Variants in DZIP1L observed in about 807,000 individuals in gnomAD.
The protein encoded by DZIP1L is DAZ interacting zinc finger protein 1 like, also known as cilium assembly protein DZIP1L.
DZIP1L carries 90 observed loss-of-function variants against 88.7 expected under a neutral mutation model. That is an observed-to-expected ratio of 1.02 (90% CI 0.86 to 1.21). The LOEUF is 1.21. Ranked by LOEUF, DZIP1L falls within the 50% of genes most tolerant of loss-of-function variation. The pLI is 0.00. For synonymous variants in DZIP1L, 363 were observed against 372.1 expected, an observed-to-expected ratio of 0.98 and a Z score of 0.28; for missense variants, 932 against 955.8, an observed-to-expected ratio of 0.98 and a Z score of 0.33.
intron 3 of DZIP1L, among the ~76,000 whole-genome samples, 188 bp from the exon 4 acceptor site, chr3:138,095,171 T>C (rs1222648392): frequency 6.6e-6 from 1 of 152,204 alleles, no homozygotes; most frequent in Non-Finnish European, 1.5e-5. Context: ...GAGATAACAA[T>C]AGCACCTAAC....
At chr3:138,091,249 C>T (rs1025978366) in intron 5 of DZIP1L, among the ~76,000 whole-genome samples, 2 of 152,012 alleles carry the variant, frequency 1.3e-5, no homozygotes, top group African/African-American at 2.4e-5. Context: ...GAGCTGGGTT[C>T]AAGTCCCAGC....
Position 138,088,457 on chromosome 3 carries a change from T to C in DZIP1L, c.921A>G (p.Ser307=), listed in dbSNP as rs759830194. ...SHSVMESKLG[S]LRDEESEEWL... is the part of the protein sequence containing the mutation. ...ACTCCTCTGACTCCTCATCTCGCAG[T>C]GATCCCAGCTTGGACTCCATCACAC... The change falls in exon 6 of 16, where the codon TCA becomes TCG. Residue 307 remains serine, a synonymous_variant. Transcript: ENST00000327532. 4.3e-6 allele frequency: 7 copies of C among 1,613,978 alleles called. No individual in the cohort carries two copies. The East Asian group carries it at 1.3e-4, about 31-fold the overall frequency.
rs573336262 is a variant in DZIP1L at position 138,071,269 on chromosome 3, C to T, written c.1615+374G>A. 8.5e-5 allele frequency among the ~76,000 whole-genome samples: 13 copies of T among 152,048 alleles called. No individual in the cohort carries two copies. The South Asian group carries it at 2.7e-3, about 32-fold the overall frequency. ...GGCTGGCATGCCTGGTGTGTAGAGC[C>T]AGAAACTGAATAGGCTGCTCTCTGT... On this transcript the variant is annotated intron_variant, in intron 12 of 15. Transcript: ENST00000327532.
chr3:138,064,502 C>CA (rs1428315136), intron 15 of DZIP1L, 126 bp downstream of exon 15: 1 of 1,612,294 alleles, frequency 6.2e-7, no homozygotes, highest in Admixed American at 1.7e-5. Flanking sequence ...AGGTCACCCA[C>CA]AATGTCCCAC....
chr3:138,110,732 A>G (rs1164103054), intron 1 of DZIP1L, among the ~76,000 whole-genome samples: 2 of 152,204 alleles, frequency 1.3e-5, no homozygotes, highest in African/African-American at 4.8e-5. Flanking sequence ...AATAGTTCAC[A>G]TTTCTGGAAT....
intron 9 of DZIP1L, 73 bp downstream of exon 9, chr3:138,081,661 A>G (rs1576458190): frequency 6.8e-7 from 1 of 1,478,292 alleles, no homozygotes; most frequent in Admixed American, 1.9e-5. Flanking sequence ...TGACTGGGGG[A>G]GAGGGAAAAG....
intron 1 of DZIP1L, among the ~76,000 whole-genome samples, chr3:138,109,624 A>G (rs899766736): frequency 6.6e-6 from 1 of 152,222 alleles, no homozygotes; most frequent in Non-Finnish European, 1.5e-5. Flanking sequence ...TACCCAAAGG[A>G]TTATAAATCA....
intron 2 of DZIP1L, chr3:138,101,779 TC>T: frequency 1.8e-6 from 2 of 1,111,922 alleles, no homozygotes; most frequent in Non-Finnish European, 2.8e-6. Context: ...GATCTTGATG[TC>T]CAGGGCCAGC....
At position 138,081,738 on chromosome 3, in the gene DZIP1L, C is replaced by T. The variant is rs1205890721; in HGVS notation, c.1230G>A (p.Val410=). 6.2e-7 allele frequency: 1 copy of T among 1,613,276 alleles called. No individual in the cohort carries two copies. The highest frequency in any genetic ancestry group is 8.5e-7 in the Non-Finnish European group (1 of 1,179,576). ...EMIQSLSLRK[V]EGIHKVPKAV... is the part of the protein sequence containing the mutation. ...CTGCCCTGTGTAGACACTTACCTTC[C>T]ACCTTCCTGAGAGACAAGGACTGGA... Residue 410 remains valine (V), a synonymous_variant, in exon 9 of 16, where the codon GTG becomes GTA. Transcript: ENST00000327532.
chr3:138,113,805 C>T (rs780871202), intron 1 of DZIP1L, among the ~76,000 whole-genome samples: 16 of 152,162 alleles, frequency 1.1e-4, no homozygotes, highest in Non-Finnish European at 2.2e-4. Flanking sequence ...CCGGGCACAG[C>T]GCTCTCCTTA....
rs554295284 is a variant in DZIP1L, at chr3:138,109,035, TTAAGGTG to T, written c.-81-4990_-81-4984del. Reference sequence around the variant, plus strand: ...GCAAACCTGAGAGTGCAGGCCCTGTTTAAGGTGGGAAACCACTATTGAGCTCCAGCCA... The same window carrying T: ...GCAAACCTGAGAGTGCAGGCCCTGTTGGAAACCACTATTGAGCTCCAGCCA... On this transcript the variant is annotated intron_variant, in intron 1 of 15. Coordinates refer to ENST00000327532, the MANE Select transcript of DZIP1L (RefSeq NM_173543.3). Among the ~76,000 whole-genome samples the T allele has an allele frequency of 3.2e-3, 494 of 152,286 alleles. 3 individuals are homozygous for T. The highest frequency in any genetic ancestry group is 5.1e-3 in the Non-Finnish European group (350 of 68,026).
intron 14 of DZIP1L, 53 bp downstream of exon 14, chr3:138,067,478 G>C (rs1455419903): frequency 5.9e-6 from 9 of 1,514,050 alleles, no homozygotes; most frequent in Non-Finnish European, 7.9e-6. Flanking sequence ...ATCTGGGCTG[G>C]AGAAGGGCTA....
At chr3:138,114,148 G>T (rs976159016) in intron 1 of DZIP1L, among the ~76,000 whole-genome samples, 12 of 152,216 alleles carry the variant, frequency 7.9e-5, no homozygotes, top group Non-Finnish European at 7.3e-5. Flanking sequence ...CAGGCCTAGG[G>T]ACAGGAGACA....
At chr3:138,109,648 A>G (rs1486465770) in intron 1 of DZIP1L, among the ~76,000 whole-genome samples, 1 of 152,226 alleles carries the variant, frequency 6.6e-6, no homozygotes, top group African/African-American at 2.4e-5. Flanking sequence ...TACTATAAAG[A>G]TACATGCACA....
At position 138,086,671 on chromosome 3, in the gene DZIP1L, C is replaced by A. The variant is rs574390215; in HGVS notation, c.1062+290G>T. 8.5e-5 allele frequency among the ~76,000 whole-genome samples: 13 copies of A among 152,290 alleles called. No homozygotes were observed. The South Asian group carries it at 2.5e-3, about 29-fold the overall frequency. ...TCTGAGGTTTATCGAACAACCCTCC[C>A]TGGAGGGCCTAAAGGGGTCACTGCA... On this transcript the variant is annotated intron_variant, in intron 7 of 15. Transcript: ENST00000327532.
At chr3:138,108,671 T>C (rs1322277804) in intron 1 of DZIP1L, among the ~76,000 whole-genome samples, 1 of 152,162 alleles carries the variant, frequency 6.6e-6, no homozygotes, top group Non-Finnish European at 1.5e-5. Flanking sequence ...TCTCTTTCTC[T>C]CTAGCCCCTC....
Position 138,104,172 on chromosome 3 carries a change from T to C in DZIP1L, c.-81-120A>G, listed in dbSNP as rs962244608. The stretch of plus-strand genomic sequence containing the variant: ...GGTGTCTGTGCAGCAGCTGTAGCAT[T>C]CATGGTGTGTGCTGACATGGCCAGA... On this transcript the variant is annotated intron_variant, in intron 1 of 15. Transcript: ENST00000327532. The C allele has an allele frequency of 9.6e-6, 9 of 933,134 alleles. No individual in the cohort carries two copies. In the African/African-American group the frequency reaches 1.5e-4, roughly 16 times the overall value. 57.8% of individuals were successfully genotyped at this position (933,134 alleles called of 1,614,324 possible). A position where few individuals can be genotyped will look rare whatever the true frequency, so the allele number is the denominator to read the frequency against.
intron 2 of DZIP1L, chr3:138,101,384 T>G (rs1373607050): frequency 4.5e-6 from 3 of 672,892 alleles, no homozygotes; most frequent in Non-Finnish European, 8.0e-6. Context: ...CAGGTGGGTC[T>G]CCCGTTCCCT....
At chr3:138,076,136 G>T (rs1943396820) in intron 11 of DZIP1L, among the ~76,000 whole-genome samples, 1 of 152,168 alleles carries the variant, frequency 6.6e-6, no homozygotes, top group Non-Finnish European at 1.5e-5. Context: ...GTCCTTAAAT[G>T]AGGAGGGAGC....
Sources: allele counts gnomAD v4.1 joint callset (sites outside exome capture counted in the v4.1 genomes callset), GRCh38; gene constraint gnomAD v4.1.1; transcripts MANE v1.5; gene names NCBI Gene and HGNC (gene_info 2026-07-23, HGNC 2026-07-21).